C2orf76: variants seen among roughly 807,000 people sequenced by gnomAD.
C2orf76 encodes chromosome 2 open reading frame 76.
A neutral mutation model predicts 16.9 loss-of-function variants in C2orf76; 23 were observed. The observed-to-expected ratio is 1.36, with a 90% CI of 0.98 to 1.93. C2orf76 has a LOEUF of 1.93. C2orf76 is among the 30% of genes most tolerant of loss of function. The pLI is 0.00. For missense variants in C2orf76, 152 were observed against 152.6 expected (o/e 1.00, Z 0.02); for synonymous variants, 48 against 52.3 (o/e 0.92, Z 0.35).
the C2orf76 span, among the ~76,000 whole-genome samples, chr2:119,295,717 C>T: frequency 6.6e-6 from 1 of 152,324 alleles, no homozygotes; most frequent in African/African-American, 2.4e-5. Context: ...ATTCCCAAAA[C>T]GGTCTGCCCT....
intron 1 of C2orf76, among the ~76,000 whole-genome samples, chr2:119,340,590 A>T (rs977695533): frequency 1.3e-5 from 2 of 152,154 alleles, no homozygotes; most frequent in African/African-American, 4.8e-5. Flanking sequence ...ACAAAACATG[A>T]AGCATTTTGC....
intron 1 of C2orf76, among the ~76,000 whole-genome samples, chr2:119,365,742 C>T (rs1680942242): frequency 6.6e-6 from 1 of 152,166 alleles, no homozygotes. Flanking sequence ...TCTTAAACAT[C>T]GATCCTAAAA....
At chr2:119,318,860 G>A (rs1679259182) in intron 3 of C2orf76, among the ~76,000 whole-genome samples, 1 of 151,902 alleles carries the variant, frequency 6.6e-6, no homozygotes, top group Non-Finnish European at 1.5e-5. Flanking sequence ...ATAATCCTCA[G>A]TAACTCTGTA....
chr2:119,326,622 T>G (rs192508220), intron 2 of C2orf76, among the ~76,000 whole-genome samples: 1 of 152,332 alleles, frequency 6.6e-6, no homozygotes, highest in African/African-American at 2.4e-5. Flanking sequence ...TGCCAGAATT[T>G]TGATTAGAAC....
At chr2:119,304,754 G>A (rs976346642) in intron 5 of C2orf76, among the ~76,000 whole-genome samples, 2 of 152,160 alleles carry the variant, frequency 1.3e-5, no homozygotes, top group Admixed American at 1.3e-4. Flanking sequence ...TGGTCCTTAA[G>A]AAGAAGTAGA....
chr2:119,307,013 T>C (rs1573618874), intron 5 of C2orf76, among the ~76,000 whole-genome samples: 1 of 152,046 alleles, frequency 6.6e-6, no homozygotes. Flanking sequence ...CAACTGGCTG[T>C]GATAGCAGTG....
At chr2:119,322,877 T>C (rs1278782776) in intron 2 of C2orf76, among the ~76,000 whole-genome samples, 1 of 152,054 alleles carries the variant, frequency 6.6e-6, no homozygotes. Flanking sequence ...AGGGGGGTGC[T>C]GCACTGGTCA....
At chr2:119,322,896 C>G (rs1300998749) in intron 2 of C2orf76, among the ~76,000 whole-genome samples, 2 of 151,898 alleles carry the variant, frequency 1.3e-5, no homozygotes, top group Non-Finnish European at 2.9e-5. Context: ...CAGACAGAGA[C>G]CAGAAGGGTA....
rs773926280 is a variant in C2orf76 at position 119,311,658 on chromosome 2, G to A, written c.268C>T (p.Leu90=). ...LSLEDDERLL[L]KEDSTLKAAG... Reference sequence around the variant, plus strand: ...GCTTTCAGAGTGCTGTCTTCTTTCAGCAGGAGTCTTTCGTCATCTTCCAAA... The same window carrying A: ...GCTTTCAGAGTGCTGTCTTCTTTCAACAGGAGTCTTTCGTCATCTTCCAAA... The change falls in exon 5 of 6, where the codon CTG becomes TTG. Residue 90 remains leucine, a synonymous_variant. Coordinates refer to ENST00000334816, the MANE Select transcript of C2orf76 (RefSeq NM_001322331.2). 7 of 1,612,776 alleles carry A rather than the reference G, an allele frequency of 4.3e-6. No homozygotes were observed. The East Asian group carries it at 1.6e-4, about 36-fold the overall frequency.
chr2:119,306,680 C>T (rs971776514), intron 5 of C2orf76, among the ~76,000 whole-genome samples: 1 of 151,992 alleles, frequency 6.6e-6, no homozygotes, highest in African/African-American at 2.4e-5. Context: ...CATAAAACTA[C>T]AATTGCTGAC....
intron 1 of C2orf76, among the ~76,000 whole-genome samples, chr2:119,349,885 G>C (rs992192675): frequency 4.6e-5 from 7 of 152,156 alleles, no homozygotes; most frequent in Non-Finnish European, 1.0e-4. Flanking sequence ...AGACCCAACA[G>C]CTTGTGTAGC....
chr2:119,314,918 G>A (rs772524994), intron 4 of C2orf76, among the ~76,000 whole-genome samples: 8 of 152,148 alleles, frequency 5.3e-5, no homozygotes, highest in South Asian at 4.1e-4. Flanking sequence ...ACAATGAAAC[G>A]CACAGATCTT....
At chr2:119,346,257 T>C (rs981191021) in intron 1 of C2orf76, among the ~76,000 whole-genome samples, 1 of 152,068 alleles carries the variant, frequency 6.6e-6, no homozygotes, top group Admixed American at 6.5e-5. Context: ...AACATACCCA[T>C]TATATAACCC....
chr2:119,305,942 C>CAAAAAAAAAAAAAAAAAAA, intron 5 of C2orf76, among the ~76,000 whole-genome samples: 1 of 119,636 alleles, frequency 8.4e-6, no homozygotes, highest in Non-Finnish European at 1.8e-5. Context: ...AAAACAACAA[C>CAAAAAAAAAAAAAAAAAAA]AAAAAAAAAA....
chr2:119,305,507 C>T (rs560413217), intron 5 of C2orf76, among the ~76,000 whole-genome samples: 7 of 152,276 alleles, frequency 4.6e-5, no homozygotes, highest in African/African-American at 1.4e-4. Context: ...TCAGCACCAA[C>T]GTAGTATGAG....
chr2:119,344,708 C>T (rs1680143489), intron 1 of C2orf76, among the ~76,000 whole-genome samples: 1 of 152,144 alleles, frequency 6.6e-6, no homozygotes, highest in African/African-American at 2.4e-5. Flanking sequence ...TATAAAGCAA[C>T]TGTTACATAG....
intron 2 of C2orf76, among the ~76,000 whole-genome samples, chr2:119,331,631 C>T (rs1243932122): frequency 6.6e-6 from 1 of 152,184 alleles, no homozygotes. Flanking sequence ...CTCATGGAAC[C>T]CACCAGCTTT....
At chr2:119,306,101 A>G (rs977605778) in intron 5 of C2orf76, among the ~76,000 whole-genome samples, 3 of 152,210 alleles carry the variant, frequency 2.0e-5, no homozygotes, top group Non-Finnish European at 4.4e-5. Context: ...TCCGACACCC[A>G]CATTACCGAG....
intron 2 of C2orf76, among the ~76,000 whole-genome samples, chr2:119,332,240 G>T (rs1486294221): frequency 6.6e-6 from 1 of 151,756 alleles, no homozygotes; most frequent in Non-Finnish European, 1.5e-5. Context: ...TTGGATGCTG[G>T]ATCTACATTA....
Sources: gnomAD v4.1 joint callset for allele counts (sites outside exome capture counted in the v4.1 genomes callset) on GRCh38, gnomAD v4.1.1 for gene constraint, MANE v1.5 for transcripts, NCBI Gene and HGNC (gene_info 2026-07-23, HGNC 2026-07-21) for gene names.